Variants in ADAM2 observed in about 807,000 individuals in gnomAD.
ADAM2 encodes ADAM metallopeptidase domain 2.
In ADAM2, 101 loss-of-function variants were observed where a neutral mutation model predicts 99.3. The observed-to-expected ratio is 1.02, with a 90% CI of 0.87 to 1.20. The LOEUF is 1.20. ADAM2 is among the 50% of genes most tolerant of loss of function. ADAM2 has a pLI of 0.00. For synonymous variants in ADAM2, 323 were observed against 287.6 expected (o/e 1.12, Z -1.25); for missense variants, 948 against 878.7 (o/e 1.08, Z -1.00).
In ADAM2 at chr8:39,769,497, C is replaced by A; in HGVS notation, c.1107G>T (p.Gln369His). The change falls in exon 12 of 21, where the codon CAG (glutamine) becomes CAT (histidine). Residue 369 changes from glutamine (Q) to histidine (H), a missense_variant. Gln to His is a conservative substitution (Grantham distance 24). Transcript: ENST00000265708. ...CTAAGCGAGGCTGATTGTGAAGACA[C>A]TGGGACTTCTGCTTTGAAATAAAAT... ...FAHFISKQKS[Q>H]CLHNQPRLDP... 1.2e-6 allele frequency: 2 copies of A among 1,613,742 alleles called. No individual in the cohort carries two copies. Among genetic ancestry groups the A allele is most frequent in the South Asian group, 1.1e-5 (1 of 91,080 alleles).
chr8:39,754,446 A>T (rs1054892267), intron 16 of ADAM2, among the ~76,000 whole-genome samples: 5 of 152,250 alleles, frequency 3.3e-5, no homozygotes, highest in Non-Finnish European at 5.9e-5. Context: ...TTCCTGTGCA[A>T]TTCCTACCTC....
rs190563428 is a variant in ADAM2, at chr8:39,750,032, C to T, written c.1798-288G>A. On this transcript the variant is annotated intron_variant, in intron 16 of 20. Transcript: ENST00000265708. ...GAAATGAGTAAAACACAAATAAGTA[C>T]GTAATAAATGCTGTAATGAAAAAAT... Among the ~76,000 whole-genome samples the T allele has an allele frequency of 1.5e-3, 225 of 151,682 alleles. 2 individuals carry two copies. The highest frequency in any genetic ancestry group is 1.5e-3 in the South Asian group (7 of 4,802).
At chr8:39,772,911 T>G (rs1802839261) in intron 11 of ADAM2, among the ~76,000 whole-genome samples, 1 of 151,950 alleles carries the variant, frequency 6.6e-6, no homozygotes, top group Middle Eastern at 3.4e-3. Context: ...TTTGAAGGAA[T>G]TACTACAGGC....
intron 12 of ADAM2, 38 bp from the exon 13 acceptor site, chr8:39,767,289 C>A (rs1288623671): frequency 6.6e-7 from 1 of 1,516,760 alleles, no homozygotes; most frequent in Non-Finnish European, 9.1e-7. Flanking sequence ...TATTTTCCAA[C>A]TTGTATTCAT....
intron 15 of ADAM2, among the ~76,000 whole-genome samples, chr8:39,758,376 A>G (rs1042723287): frequency 2.6e-5 from 4 of 152,120 alleles, no homozygotes; most frequent in African/African-American, 9.6e-5. Context: ...TGTGTATATT[A>G]TATGTAATGA....
intron 2 of ADAM2, among the ~76,000 whole-genome samples, chr8:39,836,849 A>G (rs1229396882): frequency 1.3e-5 from 2 of 152,214 alleles, no homozygotes; most frequent in African/African-American, 4.8e-5. Flanking sequence ...GTGAGTGAGA[A>G]CAGAATCTCT....
intron 9 of ADAM2, 106 bp from the exon 10 acceptor site, chr8:39,787,161 CATT>C (rs1230455879): frequency 3.3e-6 from 2 of 608,124 alleles, no homozygotes; most frequent in Non-Finnish European, 5.6e-6. Context: ...TTACATCTAA[CATT>C]AATGTAACAT....
At chr8:39,764,902 C>T (rs1382575265) in intron 14 of ADAM2, among the ~76,000 whole-genome samples, 1 of 151,792 alleles carries the variant, frequency 6.6e-6, no homozygotes, top group Non-Finnish European at 1.5e-5. Flanking sequence ...CTAATCACAG[C>T]TACTCAGGAG....
At chr8:39,744,306 T>TGTCG (rs1823356248) in intron 20 of ADAM2, among the ~76,000 whole-genome samples, 1 of 152,164 alleles carries the variant, frequency 6.6e-6, no homozygotes, top group South Asian at 2.1e-4. Flanking sequence ...TGATCATGTC[T>TGTCG]ATTATAAATT....
At chr8:39,760,739 TA>T (rs112288800) in intron 15 of ADAM2, among the ~76,000 whole-genome samples, 26 of 146,922 alleles carry the variant, frequency 1.8e-4, no homozygotes, top group East Asian at 9.9e-4. Context: ...AATAAAAAAA[TA>T]AAAAAAAAAC....
intron 14 of ADAM2, among the ~76,000 whole-genome samples, chr8:39,762,034 A>T (rs1329596170): frequency 6.6e-6 from 1 of 152,220 alleles, no homozygotes; most frequent in Admixed American, 6.5e-5. Flanking sequence ...CAGTGAGCCG[A>T]GATCGCGCCA....
chr8:39,814,385 C>T (rs960203495), intron 6 of ADAM2, among the ~76,000 whole-genome samples: 2 of 151,126 alleles, frequency 1.3e-5, no homozygotes, highest in African/African-American at 4.9e-5. Flanking sequence ...TCCACAATAG[C>T]CAAGCCATTT....
intron 4 of ADAM2, among the ~76,000 whole-genome samples, chr8:39,822,266 ATCT>A (rs1324490972): frequency 6.6e-6 from 1 of 152,170 alleles, no homozygotes; most frequent in African/African-American, 2.4e-5. Flanking sequence ...CACAGCTTTT[ATCT>A]TCTTCCTTCC....
chr8:39,804,127 G>A (rs1039466841), intron 7 of ADAM2, among the ~76,000 whole-genome samples: 4 of 152,182 alleles, frequency 2.6e-5, no homozygotes, highest in Non-Finnish European at 4.4e-5. Flanking sequence ...TTTTATCAGC[G>A]AAATATGAGT....
chr8:39,786,935 A>T, intron 10 of ADAM2, 39 bp downstream of exon 10: 4 of 1,419,372 alleles, frequency 2.8e-6, no homozygotes, highest in Non-Finnish European at 3.9e-6. Flanking sequence ...CTGTATACTA[A>T]TTTATGTAGC....
At position 39,749,450 on chromosome 8, in the gene ADAM2, C is replaced by A. The variant is rs1432946731; in HGVS notation, c.1876G>T (p.Val626Leu). ...CTTDKCNDRGVCNNKKHCHCS... is the reference protein window; with the variant it reads ...CTTDKCNDRGLCNNKKHCHCS... ...TGACAGTGCTTTTTGTTATTGCATA[C>A]CTAAAAGAAGGAGAAATATCACCTT... The change falls in exon 18 of 21, where the codon GTA becomes TTA. Residue 626 changes from valine to leucine, a missense_variant and splice_region_variant. Transcript: ENST00000265708. 1 of 1,609,280 alleles carries A rather than the reference C, an allele frequency of 6.2e-7. No homozygotes were observed. Among genetic ancestry groups the A allele is most frequent in the Admixed American group, 1.7e-5 (1 of 59,300 alleles).
rs754747225 is a variant in ADAM2, at chr8:39,824,770, A to G, written c.267+49T>C. 3 of 956,138 alleles carry G rather than the reference A, an allele frequency of 3.1e-6. No individual in the cohort carries two copies. The South Asian group carries it at 4.1e-5, about 13-fold the overall frequency. The allele number at this position is 956,138 out of a possible 1,614,324, so 59.2% of individuals were successfully genotyped here. A position where few individuals can be genotyped will look rare whatever the true frequency, so the allele number is the denominator to read the frequency against. On this transcript the variant is annotated intron_variant, in intron 4 of 20. Transcript: ENST00000265708. ...TAACATGTGGACACTAAATAAGGTG[A>G]TCATAGACACTCACATGACAAAAAT...
At chr8:39,806,990 C>A (rs945885138) in intron 7 of ADAM2, among the ~76,000 whole-genome samples, 1 of 152,096 alleles carries the variant, frequency 6.6e-6, no homozygotes, top group African/African-American at 2.4e-5. Flanking sequence ...GGAAAAGATA[C>A]CCTGAAGGTG....
chr8:39,825,602 G>A (rs1212365120), intron 3 of ADAM2, among the ~76,000 whole-genome samples: 1 of 151,052 alleles, frequency 6.6e-6, no homozygotes, highest in Non-Finnish European at 1.5e-5. Context: ...ATAAAAGTCA[G>A]ATATAAATAT....
Sources: gnomAD v4.1 joint callset for allele counts (sites outside exome capture counted in the v4.1 genomes callset) on GRCh38, gnomAD v4.1.1 for gene constraint, MANE v1.5 for transcripts, NCBI Gene and HGNC (gene_info 2026-07-23, HGNC 2026-07-21) for gene names.